STX3: variants seen among roughly 807,000 people sequenced by gnomAD.
STX3 encodes syntaxin-3.
STX3 carries 19 observed loss-of-function variants against 40.2 expected under a neutral mutation model. The ratio of observed to expected loss-of-function variants is 0.47; its 90% CI spans 0.33 to 0.69. The LOEUF is 0.69. Among genes scored for constraint, STX3 ranks in the 30% least tolerant of loss-of-function variants. STX3 has a pLI of 0.02. For missense variants in STX3, 364 were observed against 366.7 expected (o/e 0.99, Z 0.06); for synonymous variants, 122 against 132.2 (o/e 0.92, Z 0.53).
chr11:59,778,267 C>A (rs760820641), intron 2 of STX3, among the ~76,000 whole-genome samples: 1 of 152,134 alleles, frequency 6.6e-6, no homozygotes, highest in Non-Finnish European at 1.5e-5. Flanking sequence ...CCTGTGACAG[C>A]GTTGCAAGCA....
chr11:59,759,351 G>C (rs183067601), intron 1 of STX3, among the ~76,000 whole-genome samples: 2 of 152,294 alleles, frequency 1.3e-5, no homozygotes, highest in African/African-American at 4.8e-5. Flanking sequence ...CAGCAGGGTC[G>C]CATGTGCATG....
Position 59,805,831 on chromosome 11 carries a change from T to C in STX3, c.*5007T>C, listed in dbSNP as rs989626593. 1 of 153,242 alleles carries C rather than the reference T, an allele frequency of 6.5e-6. No homozygotes were observed. The highest frequency in any genetic ancestry group is 2.4e-5 in the African/African-American group (1 of 41,454). The allele number at this position is 153,242 out of a possible 1,614,324, so 9.5% of individuals were successfully genotyped here. On this transcript the variant is annotated 3_prime_UTR_variant, in exon 11 of 11. Coordinates refer to ENST00000337979, the MANE Select transcript of STX3 (RefSeq NM_004177.5). ...ATTGTCCAACATACCCCTTCCAAGA[T>C]TGTGAGAAGATGGGTAGCTGGGCAT...
At chr11:59,800,207 T>G (rs1232401288) in intron 10 of STX3, 1 of 985,342 alleles carries the variant, frequency 1.0e-6, no homozygotes, top group Non-Finnish European at 1.2e-6. Flanking sequence ...GATTGTTGCC[T>G]AGGTCTGGAC....
rs559311902 is a variant in STX3, at chr11:59,800,335, T to C, written c.*31-520T>C. The C allele has an allele frequency of 3.0e-6, 3 of 985,358 alleles. No individual in the cohort carries two copies. The South Asian group carries it at 1.4e-4, about 46-fold the overall frequency. The allele number at this position is 985,358 out of a possible 1,614,324, so 61.0% of individuals were successfully genotyped here. On this transcript the variant is annotated intron_variant, in intron 10 of 10. Coordinates refer to ENST00000337979, the MANE Select transcript of STX3 (RefSeq NM_004177.5). ...TGCTCTAAGATCATAGTATCCTCATTTTACAGACGGGGAAAGAGCAATGAA... is the reference window on the plus strand; with the variant it reads ...TGCTCTAAGATCATAGTATCCTCATCTTACAGACGGGGAAAGAGCAATGAA...
chr11:59,794,472 A>G (rs1865401055), intron 8 of STX3, among the ~76,000 whole-genome samples: 1 of 152,110 alleles, frequency 6.6e-6, no homozygotes, highest in Non-Finnish European at 1.5e-5. Flanking sequence ...AGTTTTTGAC[A>G]TTGGTTCCCT....
chr11:59,803,438 C>A lies in STX3; in HGVS notation c.*2614C>A. On this transcript the variant is annotated 3_prime_UTR_variant, in exon 11 of 11. Coordinates refer to ENST00000337979, the MANE Select transcript of STX3 (RefSeq NM_004177.5). ...GAGAAAACTAAAGAAAGGGATGTTT[C>A]AGAGACAGAAAAGTGAGTGAAGAAT... The A allele has an allele frequency of 2.1e-6, 1 of 477,014 alleles. No homozygotes were observed. Among genetic ancestry groups the A allele is most frequent in the Non-Finnish European group, 3.3e-6 (1 of 299,664 alleles). The allele number at this position is 477,014 out of a possible 1,614,324, so 29.5% of individuals were successfully genotyped here.
chr11:59,754,595 A>G (rs912308896), upstream of STX3: 1 of 152,378 alleles, frequency 6.6e-6, no homozygotes, highest in Non-Finnish European at 1.5e-5. Flanking sequence ...CACACCAAGC[A>G]GGCTGCGAGG....
At chr11:59,772,962 C>A (rs969773870) in intron 1 of STX3, among the ~76,000 whole-genome samples, 2 of 143,012 alleles carry the variant, frequency 1.4e-5, no homozygotes, top group Non-Finnish European at 3.0e-5. Context: ...TCACCCCTCA[C>A]CCCCTGAAAG....
intron 1 of STX3, among the ~76,000 whole-genome samples, chr11:59,758,409 T>A (rs1862848339): frequency 6.6e-6 from 1 of 152,252 alleles, no homozygotes; most frequent in East Asian, 1.9e-4. Context: ...CTACAGGGAC[T>A]GAGGCCTCAA....
Position 59,802,887 on chromosome 11 carries a change from G to C in STX3, c.*2063G>C. On this transcript the variant is annotated 3_prime_UTR_variant, in exon 11 of 11. Transcript: ENST00000337979. The stretch of plus-strand genomic sequence containing the variant: ...CAGAATGCAGTGTAACTATGTTTGT[G>C]TTTCAGATTTGAGGTGTTCCCCCCA... 6 of 985,374 alleles carry C rather than the reference G, an allele frequency of 6.1e-6. No homozygotes were observed. The highest frequency in any genetic ancestry group is 7.2e-6 in the Non-Finnish European group (6 of 829,912). 61.0% of individuals were successfully genotyped at this position (985,374 alleles called of 1,614,324 possible). A position where few individuals can be genotyped will look rare whatever the true frequency, so the allele number is the denominator to read the frequency against.
chr11:59,782,198 A>G (rs1334785974), intron 2 of STX3, among the ~76,000 whole-genome samples: 15 of 152,202 alleles, frequency 9.9e-5, no homozygotes, highest in Admixed American at 9.8e-4. Context: ...AGTTATAGTT[A>G]TTAGTATAAT....
chr11:59,801,027 C>A lies in STX3; in HGVS notation c.*203C>A. 6.7e-7 allele frequency: 1 copy of A among 1,498,586 alleles called. No homozygotes were observed. The highest frequency in any genetic ancestry group is 1.4e-5 in the African/African-American group (1 of 72,442). The allele number at this position is 1,498,586 out of a possible 1,614,324, so 92.8% of individuals were successfully genotyped here. On this transcript the variant is annotated 3_prime_UTR_variant, in exon 11 of 11. Transcript: ENST00000337979. The stretch of plus-strand genomic sequence containing the variant: ...GGGGAATGTGATCTACCTGATGCGA[C>A]CCTGAGTTCTCCCCAGAGCCTCCTC...
intron 10 of STX3, chr11:59,799,680 C>G: frequency 1.0e-6 from 1 of 985,408 alleles, no homozygotes; most frequent in Non-Finnish European, 1.2e-6. Flanking sequence ...TTCAGTGTGT[C>G]TCTTCTTATT....
At chr11:59,785,004 A>G (rs1035603348) in intron 2 of STX3, among the ~76,000 whole-genome samples, 1 of 152,236 alleles carries the variant, frequency 6.6e-6, no homozygotes, top group Non-Finnish European at 1.5e-5. Flanking sequence ...TGCTGTCCCT[A>G]CCACTAGCTA....
chr11:59,803,059 G>A lies in STX3; in HGVS notation c.*2235G>A, dbSNP rs1183046352. 9.1e-6 allele frequency: 9 copies of A among 985,236 alleles called. No individual in the cohort carries two copies. Among genetic ancestry groups the A allele is most frequent in the Non-Finnish European group, 9.6e-6 (8 of 829,938 alleles). 61.0% of individuals were successfully genotyped at this position (985,236 alleles called of 1,614,324 possible). A position where few individuals can be genotyped will look rare whatever the true frequency, so the allele number is the denominator to read the frequency against. ...TCTCACCAAAAATAACATTTCTGTT[G>A]GCATTCTGGGTCCTAGAAGCCAGAT... is the stretch of plus-strand genomic sequence containing the variant. On this transcript the variant is annotated 3_prime_UTR_variant, in exon 11 of 11. Coordinates refer to ENST00000337979, the MANE Select transcript of STX3 (RefSeq NM_004177.5).
chr11:59,772,974 A>AACACACACACAC (rs3035302), intron 1 of STX3, among the ~76,000 whole-genome samples: 6 of 140,678 alleles, frequency 4.3e-5, no homozygotes, highest in East Asian at 4.2e-4. Context: ...CCCTGAAAGA[A>AACACACACACAC]ACACACACAC....
intron 8 of STX3, among the ~76,000 whole-genome samples, chr11:59,794,542 T>C (rs1440223789): frequency 6.6e-6 from 1 of 152,160 alleles, no homozygotes; most frequent in Non-Finnish European, 1.5e-5. Context: ...ATTTCTCAAG[T>C]CCCTCCATCC....
intron 1 of STX3, among the ~76,000 whole-genome samples, chr11:59,763,663 C>T (rs1047722662): frequency 5.1e-4 from 78 of 152,160 alleles, no homozygotes; most frequent in African/African-American, 1.8e-3. Flanking sequence ...AATGTAAGAA[C>T]GCCTTTCTAA....
intron 5 of STX3, among the ~76,000 whole-genome samples, chr11:59,791,869 A>G (rs900976710): frequency 5.3e-5 from 8 of 152,176 alleles, no homozygotes; most frequent in African/African-American, 1.4e-4. Context: ...TGGCCTCGCA[A>G]TTACCACGTG....
Sources: allele counts gnomAD v4.1 joint callset (sites outside exome capture counted in the v4.1 genomes callset), GRCh38; gene constraint gnomAD v4.1.1; transcripts MANE v1.5; gene names NCBI Gene and HGNC (gene_info 2026-07-23, HGNC 2026-07-21).